ZNF18: variants seen among roughly 807,000 people sequenced by gnomAD.
ZNF18 encodes zinc finger protein 18.
ZNF18 carries 42 observed loss-of-function variants against 58.1 expected under a neutral mutation model. That is an observed-to-expected ratio of 0.72 (90% confidence interval 0.56 to 0.93). ZNF18 has a LOEUF of 0.93. Ranked by LOEUF, ZNF18 falls within the 40% of genes least tolerant of loss-of-function variation. The pLI, the probability that ZNF18 is intolerant of heterozygous loss-of-function variation, is 0.00. For missense variants in ZNF18, 540 were observed against 644.2 expected, an observed-to-expected ratio of 0.84 and a Z score of 1.75; for synonymous variants, 231 against 239.8, an observed-to-expected ratio of 0.96 and a Z score of 0.34.
chr17:12,018,002 A>T, the ZNF18 span, among the ~76,000 whole-genome samples: 1 of 152,246 alleles, frequency 6.6e-6, no homozygotes, highest in Admixed American at 6.5e-5. Flanking sequence ...CTTTCTCTGC[A>T]GCCTCTTTCA....
chr17:12,004,887 CA>C, the ZNF18 span, among the ~76,000 whole-genome samples: 511 of 56,212 alleles, frequency 9.1e-3, 8 homozygotes, highest in African/African-American at 0.023. Flanking sequence ...AACTCCATCT[CA>C]AAAAAAAAAA....
chr17:11,982,521 T>G (rs1967424357), intron 6 of ZNF18, among the ~76,000 whole-genome samples: 1 of 152,190 alleles, frequency 6.6e-6, no homozygotes, highest in Non-Finnish European at 1.5e-5. Flanking sequence ...CAGCTAATGA[T>G]TGCTCTCTCT....
At chr17:12,003,344 C>T in the ZNF18 span, among the ~76,000 whole-genome samples, 1 of 150,838 alleles carries the variant, frequency 6.6e-6, no homozygotes, top group African/African-American at 2.4e-5. Context: ...GAGGCTGAGG[C>T]AGGAGAATCA....
chr17:11,996,386 C>T (rs1968471104), intron 1 of ZNF18, among the ~76,000 whole-genome samples: 1 of 151,964 alleles, frequency 6.6e-6, no homozygotes, highest in Non-Finnish European at 1.5e-5. Flanking sequence ...TATCTGTTTC[C>T]TAAATTAAGA....
chr17:12,007,383 C>A, the ZNF18 span, among the ~76,000 whole-genome samples: 16 of 152,282 alleles, frequency 1.1e-4, no homozygotes, highest in African/African-American at 3.9e-4. Flanking sequence ...GTGGAAGAGG[C>A]CCCATGTCCC....
the ZNF18 span, among the ~76,000 whole-genome samples, chr17:12,015,094 G>C: frequency 1.3e-5 from 2 of 152,012 alleles, no homozygotes; most frequent in African/African-American, 4.8e-5. Context: ...ATAAGTAGGT[G>C]AATTATATGG....
the ZNF18 span, chr17:12,011,074 CT>C: frequency 2.7e-6 from 2 of 729,454 alleles, no homozygotes; most frequent in Non-Finnish European, 2.5e-6. Context: ...TGGGGCATTC[CT>C]TTTTGAACAG....
chr17:11,987,268 T>A (rs1387684074), intron 4 of ZNF18, among the ~76,000 whole-genome samples: 2 of 152,220 alleles, frequency 1.3e-5, no homozygotes, highest in Admixed American at 6.5e-5. Flanking sequence ...GGAGTCTATG[T>A]GAGGTTCCAA....
At chr17:12,011,062 T>G in the ZNF18 span, 5 of 734,326 alleles carry the variant, frequency 6.8e-6, no homozygotes, top group Non-Finnish European at 7.5e-6. Flanking sequence ...TGGTGACACC[T>G]GTGGGGCATT....
At chr17:12,011,585 C>G in the ZNF18 span, among the ~76,000 whole-genome samples, 1,028 of 152,068 alleles carry the variant, frequency 6.8e-3, 10 homozygotes, top group East Asian at 0.046. Context: ...GGGGTTTCAC[C>G]ATGTTGACCA....
chr17:12,004,101 C>T, the ZNF18 span, among the ~76,000 whole-genome samples: 4 of 152,142 alleles, frequency 2.6e-5, no homozygotes, highest in Non-Finnish European at 5.9e-5. Context: ...TGCAGTGGCA[C>T]ACGCCTGTAA....
chr17:12,011,156 TC>T, the ZNF18 span: 1 of 594,762 alleles, frequency 1.7e-6, no homozygotes. Flanking sequence ...AAGGAACAAC[TC>T]CATGTTTTCT....
At chr17:11,993,825 CAAAAAAAAA>C (rs386385680) in intron 1 of ZNF18, among the ~76,000 whole-genome samples, 41 of 71,246 alleles carry the variant, frequency 5.8e-4, no homozygotes, top group South Asian at 2.9e-3. Flanking sequence ...CTCCGTCTCA[CAAAAAAAAA>C]AAAAAAAAAA....
intron 6 of ZNF18, among the ~76,000 whole-genome samples, chr17:11,983,024 A>C (rs1321646488): frequency 6.6e-6 from 1 of 152,184 alleles, no homozygotes; most frequent in Non-Finnish European, 1.5e-5. Context: ...TAATTCTTTC[A>C]GAGAAAGAAA....
chr17:11,988,141 T>C (rs1967871607), intron 4 of ZNF18, among the ~76,000 whole-genome samples: 2 of 152,252 alleles, frequency 1.3e-5, no homozygotes, highest in Admixed American at 6.5e-5. Flanking sequence ...CAGAGACTTT[T>C]ATGTACAAGC....
the ZNF18 span, chr17:12,010,986 C>T: frequency 1.4e-6 from 1 of 735,080 alleles, no homozygotes; most frequent in Non-Finnish European, 2.5e-6. Context: ...TTGCCCTTAA[C>T]TTGTTTGTTT....
intron 6 of ZNF18, among the ~76,000 whole-genome samples, chr17:11,982,657 AGTGTGTGTGTGTGTGTGTGTGTGTGTGT>A (rs143602913): frequency 4.4e-5 from 6 of 136,720 alleles, no homozygotes; most frequent in Non-Finnish European, 7.9e-5. Flanking sequence ...TATATATAAA[AGTGTGTGTGTGTGTGTGTGTGTGTGTGT>A]GTGTGTGTGT....
At chr17:12,005,951 C>T in the ZNF18 span, among the ~76,000 whole-genome samples, 1 of 96,908 alleles carries the variant, frequency 1.0e-5, no homozygotes, top group Non-Finnish European at 2.4e-5. Flanking sequence ...GTAGATCTCC[C>T]TGTTCTAGAT....
upstream of ZNF18, among the ~76,000 whole-genome samples, chr17:12,001,679 A>G (rs1274971171): frequency 6.6e-6 from 1 of 152,166 alleles, no homozygotes; most frequent in African/African-American, 2.4e-5. Context: ...CAAAATCACT[A>G]AAAGAGTAGA....
Sources: gnomAD v4.1 joint callset for allele counts (sites outside exome capture counted in the v4.1 genomes callset) on GRCh38, gnomAD v4.1.1 for gene constraint, MANE v1.5 for transcripts, NCBI Gene and HGNC (gene_info 2026-07-23, HGNC 2026-07-21) for gene names.